STX3: variants seen among roughly 807,000 people sequenced by gnomAD.
STX3 encodes the protein syntaxin-3.
STX3 carries 19 observed loss-of-function variants against 40.2 expected under a neutral mutation model. That is an observed-to-expected ratio of 0.47 (90% confidence interval 0.33 to 0.69). The LOEUF (loss-of-function observed/expected upper bound fraction) is 0.69. Among genes scored for constraint, STX3 ranks in the 30% least tolerant of loss-of-function variants. The pLI is 0.02. For missense variants in STX3, 364 were observed against 366.7 expected (o/e 0.99, Z 0.06); for synonymous variants, 122 against 132.2 (o/e 0.92, Z 0.53).
At chr11:59,781,085 C>CTTTTTTTTTT (rs67745750) in intron 2 of STX3, among the ~76,000 whole-genome samples, 10 of 116,036 alleles carry the variant, frequency 8.6e-5, no homozygotes, top group South Asian at 2.7e-4. Flanking sequence ...CATTTGTTTT[C>CTTTTTTTTTT]TTTTTTTTTT....
chr11:59,801,024 C>T lies in STX3; in HGVS notation c.*200C>T, dbSNP rs556895371. ...CTGGGGGAATGTGATCTACCTGATG[C>T]GACCCTGAGTTCTCCCCAGAGCCTC... On this transcript the variant is annotated 3_prime_UTR_variant, in exon 11 of 11. Coordinates refer to ENST00000337979, the MANE Select transcript of STX3 (RefSeq NM_004177.5). 28 of 1,501,692 alleles carry T rather than the reference C, an allele frequency of 1.9e-5. No homozygotes were observed. The highest frequency in any genetic ancestry group is 1.0e-4 in the South Asian group (8 of 78,188). The allele number at this position is 1,501,692 out of a possible 1,614,324, so 93.0% of individuals were successfully genotyped here.
At chr11:59,792,035 T>G (rs1393667918) in intron 5 of STX3, 72 bp from the exon 6 acceptor site, 2 of 1,188,110 alleles carry the variant, frequency 1.7e-6, no homozygotes, top group Non-Finnish European at 1.2e-6. Flanking sequence ...GATGGCTATG[T>G]GGGGGTGGGG....
At chr11:59,769,707 A>G (rs989141032) in intron 1 of STX3, among the ~76,000 whole-genome samples, 3 of 152,142 alleles carry the variant, frequency 2.0e-5, no homozygotes, top group Non-Finnish European at 4.4e-5. Flanking sequence ...TCTGCCTCCC[A>G]TGCTCCAGGT....
chr11:59,758,582 A>G (rs1053388552), intron 1 of STX3, among the ~76,000 whole-genome samples: 3 of 152,222 alleles, frequency 2.0e-5, no homozygotes, highest in African/African-American at 7.2e-5. Flanking sequence ...TCCTGAGGCC[A>G]TGGTCACAAG....
Position 59,801,778 on chromosome 11 carries a change from G to T in STX3, c.*954G>T, listed in dbSNP as rs1443345759. The T allele has an allele frequency of 1.0e-6, 1 of 985,370 alleles. No individual in the cohort carries two copies. Among genetic ancestry groups the T allele is most frequent in the African/African-American group, 1.8e-5 (1 of 57,116 alleles). 61.0% of individuals were successfully genotyped at this position (985,370 alleles called of 1,614,324 possible). A position where few individuals can be genotyped will look rare whatever the true frequency, so the allele number is the denominator to read the frequency against. On this transcript the variant is annotated 3_prime_UTR_variant, in exon 11 of 11. Coordinates refer to ENST00000337979, the MANE Select transcript of STX3 (RefSeq NM_004177.5). The stretch of plus-strand genomic sequence containing the variant: ...GAAATGTATGTACACATAAGTGTGT[G>T]TGTCTCAGGAAGTAGGAAATAAAAA...
At chr11:59,797,726 G>C (rs143601522) in intron 10 of STX3, among the ~76,000 whole-genome samples, 1 of 152,172 alleles carries the variant, frequency 6.6e-6, no homozygotes, top group East Asian at 1.9e-4. Context: ...GTACATCTCT[G>C]TCTTGGATCT....
chr11:59,758,838 C>T (rs1225826127), intron 1 of STX3, among the ~76,000 whole-genome samples: 1 of 152,180 alleles, frequency 6.6e-6, no homozygotes, highest in Non-Finnish European at 1.5e-5. Flanking sequence ...TTGCTGAGTA[C>T]TGAGTACCCA....
chr11:59,785,644 A>G (rs976404668), intron 2 of STX3, among the ~76,000 whole-genome samples: 1 of 152,038 alleles, frequency 6.6e-6, no homozygotes, highest in Non-Finnish European at 1.5e-5. Flanking sequence ...CCTATTTTCT[A>G]TTGAATATGA....
intron 10 of STX3, among the ~76,000 whole-genome samples, chr11:59,798,673 C>T (rs1306019178): frequency 2.0e-5 from 3 of 151,650 alleles, no homozygotes. Context: ...GTGCCTGCCA[C>T]CACGCCCGGC....
intron 2 of STX3, among the ~76,000 whole-genome samples, chr11:59,782,210 T>C (rs1175638627): frequency 2.0e-5 from 3 of 152,222 alleles, no homozygotes; most frequent in African/African-American, 7.2e-5. Flanking sequence ...TAGTATAATA[T>C]AGTAATTATA....
rs563683467 is a variant in STX3, at chr11:59,801,355, T to C, written c.*531T>C. Reference sequence around the variant, plus strand: ...TTGTTGTCCGTATGTCCTGAAAACATGAGGGACTGGCAGATGTCATTTTGG... The same window carrying C: ...TTGTTGTCCGTATGTCCTGAAAACACGAGGGACTGGCAGATGTCATTTTGG... On this transcript the variant is annotated 3_prime_UTR_variant, in exon 11 of 11. Transcript: ENST00000337979. 137 of 989,470 alleles carry C rather than the reference T, an allele frequency of 1.4e-4. No individual in the cohort carries two copies. In the African/African-American group the frequency reaches 2.3e-3, roughly 16 times the overall value. 61.3% of individuals were successfully genotyped at this position (989,470 alleles called of 1,614,324 possible). A position where few individuals can be genotyped will look rare whatever the true frequency, so the allele number is the denominator to read the frequency against.
chr11:59,784,983 C>T (rs1590802496), intron 2 of STX3, among the ~76,000 whole-genome samples: 1 of 152,150 alleles, frequency 6.6e-6, no homozygotes, highest in African/African-American at 2.4e-5. Flanking sequence ...GTGTGGAGGG[C>T]ACTATTTGCA....
chr11:59,795,318 G>C (rs1248863585), intron 8 of STX3, 54 bp from the exon 9 acceptor site: 1 of 1,466,464 alleles, frequency 6.8e-7, no homozygotes, highest in African/African-American at 1.4e-5. Context: ...CCCCGCATTG[G>C]CTAGGACTGA....
At chr11:59,761,128 C>T (rs1863010545) in intron 1 of STX3, among the ~76,000 whole-genome samples, 1 of 152,202 alleles carries the variant, frequency 6.6e-6, no homozygotes, top group African/African-American at 2.4e-5. Context: ...AGGTCCATCC[C>T]CAAGGACGGA....
At chr11:59,789,830 A>T (rs981432399) in intron 4 of STX3, among the ~76,000 whole-genome samples, 1 of 152,162 alleles carries the variant, frequency 6.6e-6, no homozygotes, top group Non-Finnish European at 1.5e-5. Flanking sequence ...TGGGCTAGGC[A>T]TACCACCTTC....
chr11:59,793,009 G>A (rs1590820437), intron 6 of STX3, 90 bp from the exon 7 acceptor site: 2 of 1,306,348 alleles, frequency 1.5e-6, no homozygotes, highest in Non-Finnish European at 2.2e-6. Context: ...GGTCTTTATA[G>A]GGAAGTCACG....
At chr11:59,764,083 GGAA>G (rs756881629) in intron 1 of STX3, among the ~76,000 whole-genome samples, 26 of 152,086 alleles carry the variant, frequency 1.7e-4, no homozygotes, top group Non-Finnish European at 3.1e-4. Context: ...GAGAAGTAGT[GGAA>G]GAAGAATTGA....
chr11:59,762,593 T>C (rs534904876), intron 1 of STX3, among the ~76,000 whole-genome samples: 86 of 151,802 alleles, frequency 5.7e-4, no homozygotes, highest in African/African-American at 2.0e-3. Context: ...AAAGGAGGGG[T>C]TGGGGAGAAG....
chr11:59,796,269 C>T (rs1865512503), intron 9 of STX3, among the ~76,000 whole-genome samples: 2 of 152,196 alleles, frequency 1.3e-5, no homozygotes, highest in Non-Finnish European at 2.9e-5. Flanking sequence ...GTTCAGATCC[C>T]AATCATTCTG....
Sources: allele counts gnomAD v4.1 joint callset (sites outside exome capture counted in the v4.1 genomes callset), GRCh38; gene constraint gnomAD v4.1.1; transcripts MANE v1.5; gene names NCBI Gene and HGNC (gene_info 2026-07-23, HGNC 2026-07-21).